Variants in KALRN observed in about 807,000 individuals in gnomAD.
KALRN encodes the protein kalirin.
Under a neutral mutation model 353.7 loss-of-function variants are expected in KALRN, and 70 were observed. That is an observed-to-expected ratio of 0.20 (90% CI 0.16 to 0.24). The LOEUF is 0.24. Among genes scored for constraint, KALRN ranks in the 10% least tolerant of loss-of-function variants. KALRN has a pLI of 1.00. For missense variants in KALRN, 2,791 were observed against 3,756.7 expected (o/e 0.74, Z 6.72); for synonymous variants, 1,391 against 1,434.8 (o/e 0.97, Z 0.69).
chr3:124,170,240 G>T (rs1049690735), intron 1 of KALRN, among the ~76,000 whole-genome samples: 1 of 152,214 alleles, frequency 6.6e-6, no homozygotes, highest in Non-Finnish European at 1.5e-5. Flanking sequence ...TTCTCTGAAG[G>T]AATCTCTCTT....
intron 58 of KALRN, among the ~76,000 whole-genome samples, chr3:124,717,029 C>A (rs2063162529): frequency 6.6e-6 from 1 of 152,166 alleles, no homozygotes; most frequent in African/African-American, 2.4e-5. Flanking sequence ...GTTATACACA[C>A]TCCCTGCAGT....
At chr3:124,089,398 C>T (rs1275009165) in intron 1 of KALRN, among the ~76,000 whole-genome samples, 1 of 152,112 alleles carries the variant, frequency 6.6e-6, no homozygotes, top group African/African-American at 2.4e-5. Context: ...TGATGGTGAC[C>T]TCAGGGACTG....
chr3:124,139,178 C>T (rs2066315862), intron 1 of KALRN, among the ~76,000 whole-genome samples: 3 of 152,012 alleles, frequency 2.0e-5, no homozygotes, highest in Admixed American at 2.0e-4. Flanking sequence ...TTTGTGAGAA[C>T]CATATCTCCT....
chr3:124,601,172 G>T (rs1162286009), intron 34 of KALRN, among the ~76,000 whole-genome samples: 1 of 152,202 alleles, frequency 6.6e-6, no homozygotes, highest in African/African-American at 2.4e-5. Context: ...GGAAATACAG[G>T]CATCTATCCC....
chr3:124,681,629 CT>C (rs56934346), intron 51 of KALRN, among the ~76,000 whole-genome samples: 15,478 of 103,192 alleles, frequency 0.15, 471 homozygotes, highest in African/African-American at 0.2. Context: ...CAGTGATTGT[CT>C]TTTTTTTTTT....
chr3:124,569,793 C>G (rs141922588), intron 34 of KALRN, among the ~76,000 whole-genome samples: 1 of 152,212 alleles, frequency 6.6e-6, no homozygotes, highest in South Asian at 2.1e-4. Flanking sequence ...TTCCCACTCT[C>G]CCTCTCACCT....
At chr3:124,416,471 G>A (rs999413795) in intron 14 of KALRN, among the ~76,000 whole-genome samples, 1 of 152,370 alleles carries the variant, frequency 6.6e-6, no homozygotes, top group Non-Finnish European at 1.5e-5. Flanking sequence ...GGCCTCTTCA[G>A]TGCCTCTTAC....
intron 1 of KALRN, among the ~76,000 whole-genome samples, chr3:124,059,064 A>G (rs1197437935): frequency 2.0e-5 from 3 of 152,120 alleles, no homozygotes; most frequent in Non-Finnish European, 4.4e-5. Flanking sequence ...ATAGAAGAAA[A>G]AAAAGGAATT....
intron 5 of KALRN, among the ~76,000 whole-genome samples, chr3:124,289,067 A>G (rs2076197660): frequency 6.6e-6 from 1 of 152,186 alleles, no homozygotes; most frequent in Non-Finnish European, 1.5e-5. Flanking sequence ...GCATCCTGTG[A>G]GGATCTACTT....
intron 1 of KALRN, among the ~76,000 whole-genome samples, chr3:124,071,001 T>G (rs569353466): frequency 6.5e-4 from 99 of 152,162 alleles, no homozygotes; most frequent in East Asian, 3.1e-3. Context: ...TCTTTTTTTT[T>G]TGTGTGTGTG....
At chr3:124,046,038 T>A (rs2040447087) in intron 1 of KALRN, among the ~76,000 whole-genome samples, 1 of 152,240 alleles carries the variant, frequency 6.6e-6, no homozygotes, top group East Asian at 1.9e-4. Context: ...GCTCTGCTTC[T>A]AGACCATAGG....
intron 5 of KALRN, among the ~76,000 whole-genome samples, chr3:124,289,735 A>G (rs913973336): frequency 6.6e-6 from 1 of 152,202 alleles, no homozygotes; most frequent in Non-Finnish European, 1.5e-5. Context: ...GATCTTAGCC[A>G]ATTTATTTGG....
At chr3:124,681,866 G>C (rs2087814506) in intron 51 of KALRN, among the ~76,000 whole-genome samples, 1 of 152,090 alleles carries the variant, frequency 6.6e-6, no homozygotes, top group Admixed American at 6.5e-5. Flanking sequence ...CTGACCTCAA[G>C]TGATCTGCCT....
intron 12 of KALRN, among the ~76,000 whole-genome samples, chr3:124,397,728 G>A (rs563871507): frequency 3.9e-4 from 59 of 152,182 alleles, no homozygotes; most frequent in Admixed American, 2.2e-3. Flanking sequence ...TCCCTACTAC[G>A]TTTGTATAGA....
At chr3:124,297,150 G>A (rs2076911162) in intron 5 of KALRN, among the ~76,000 whole-genome samples, 1 of 152,200 alleles carries the variant, frequency 6.6e-6, no homozygotes, top group African/African-American at 2.4e-5. Flanking sequence ...CACATAGCAG[G>A]TATCCCATAA....
At chr3:124,061,732 G>A (rs575919269) in intron 1 of KALRN, among the ~76,000 whole-genome samples, 14 of 152,286 alleles carry the variant, frequency 9.2e-5, no homozygotes, top group Middle Eastern at 3.4e-3. Flanking sequence ...TAACAGTCAG[G>A]AGCTGAGGTT....
At chr3:124,472,713 C>T (rs910763205) in intron 25 of KALRN, among the ~76,000 whole-genome samples, 2 of 151,884 alleles carry the variant, frequency 1.3e-5, no homozygotes, top group East Asian at 3.9e-4. Context: ...TCAATTATAA[C>T]ATTATATAGC....
At chr3:124,505,061 G>A (rs1248962470) in intron 33 of KALRN, 1 of 461,314 alleles carries the variant, frequency 2.2e-6, no homozygotes, top group Non-Finnish European at 4.5e-6. Flanking sequence ...GAGAAGTGGT[G>A]GCTTTCAGGG....
At chr3:124,617,187 A>G (rs1270756101) in intron 34 of KALRN, among the ~76,000 whole-genome samples, 1 of 152,024 alleles carries the variant, frequency 6.6e-6, no homozygotes, top group African/African-American at 2.4e-5. Flanking sequence ...TAAAAAAATT[A>G]GCTGGGCATG....
Sources: allele counts gnomAD v4.1 joint callset (sites outside exome capture counted in the v4.1 genomes callset), GRCh38; gene constraint gnomAD v4.1.1; transcripts MANE v1.5; gene names NCBI Gene and HGNC (gene_info 2026-07-23, HGNC 2026-07-21).